KLRG1: variants seen among roughly 807,000 people sequenced by gnomAD.
KLRG1 encodes the protein killer cell lectin like receptor G1.
A neutral mutation model predicts 21.8 loss-of-function variants in KLRG1; 16 were observed. That is an observed-to-expected ratio of 0.73 (90% CI 0.50 to 1.11). KLRG1 has a LOEUF of 1.11. Among genes scored for constraint, KLRG1 ranks in the 50% most tolerant of loss-of-function variants. The pLI, the probability that KLRG1 is intolerant of heterozygous loss-of-function variation, is 0.00. For synonymous variants in KLRG1, 69 were observed against 75.9 expected (o/e 0.91, Z 0.47); for missense variants, 173 against 218.3 (o/e 0.79, Z 1.31).
upstream of KLRG1, chr12:8,988,517 G>A (rs1407397769): frequency 6.6e-6 from 1 of 152,086 alleles, no homozygotes. Flanking sequence ...TCCTTATGCA[G>A]TCTATCTTGA....
chr12:9,022,440 T>C, the KLRG1 span, among the ~76,000 whole-genome samples: 2 of 152,230 alleles, frequency 1.3e-5, no homozygotes, highest in African/African-American at 4.8e-5. Flanking sequence ...TTCATTGTTA[T>C]GTGTGCATGA....
chr12:9,205,100 A>G, the KLRG1 span, among the ~76,000 whole-genome samples: 1 of 152,196 alleles, frequency 6.6e-6, no homozygotes, highest in Non-Finnish European at 1.5e-5. Context: ...TTCAAAAAAA[A>G]ACAAAACAAA....
the KLRG1 span, among the ~76,000 whole-genome samples, chr12:9,180,821 G>A: frequency 0.6 from 88,472 of 147,592 alleles, 26,888 homozygotes; most frequent in East Asian, 0.82. Context: ...AAACTAAAGA[G>A]CTTCTGCACA....
At chr12:9,158,528 G>T in the KLRG1 span, 1 of 1,614,180 alleles carries the variant, frequency 6.2e-7, no homozygotes, top group Non-Finnish European at 8.5e-7. Flanking sequence ...CATCAATGAA[G>T]ATGTAGGATC....
the KLRG1 span, among the ~76,000 whole-genome samples, chr12:9,099,879 G>C: frequency 3.3e-5 from 5 of 152,308 alleles, no homozygotes; most frequent in South Asian, 6.2e-4. Flanking sequence ...CATGCTACAT[G>C]CTCTTTAACC....
intron 1 of KLRG1, among the ~76,000 whole-genome samples, chr12:8,966,897 G>T (rs1384782856): frequency 9.4e-5 from 14 of 149,704 alleles, no homozygotes; most frequent in Admixed American, 2.7e-4. Context: ...TATGTTTATT[G>T]CGGCATTATT....
At chr12:8,997,944 G>A (rs1410255551) in intron 3 of KLRG1, among the ~76,000 whole-genome samples, 5 of 151,894 alleles carry the variant, frequency 3.3e-5, no homozygotes, top group African/African-American at 9.7e-5. Flanking sequence ...CTGCCTCCAC[G>A]CCCGACCTTT....
chr12:9,101,804 T>C, the KLRG1 span: 12 of 748,072 alleles, frequency 1.6e-5, no homozygotes, highest in South Asian at 2.3e-4. Flanking sequence ...CAATGAAAAG[T>C]GGGAGAAGGA....
intron 1 of KLRG1, among the ~76,000 whole-genome samples, chr12:8,956,850 C>T (rs1417845213): frequency 6.6e-6 from 1 of 152,216 alleles, no homozygotes; most frequent in Non-Finnish European, 1.5e-5. Flanking sequence ...TGCAGTATAC[C>T]TGATCCAGCC....
At chr12:8,979,846 A>G (rs1319045978) in intron 1 of KLRG1, among the ~76,000 whole-genome samples, 1 of 151,424 alleles carries the variant, frequency 6.6e-6, no homozygotes, top group Non-Finnish European at 1.5e-5. Context: ...GAAGCTCTGT[A>G]TTGTATTTTT....
chr12:9,170,796 T>A, the KLRG1 span, among the ~76,000 whole-genome samples: 1 of 152,120 alleles, frequency 6.6e-6, no homozygotes, highest in African/African-American at 2.4e-5. The surrounding 1 kb of genome is among the most constrained non-coding windows in gnomAD (Gnocchi z 4.6). Context: ...GACCTTTCTG[T>A]GGGGGCTTCA....
chr12:9,088,496 A>C, the KLRG1 span, among the ~76,000 whole-genome samples: 1 of 152,152 alleles, frequency 6.6e-6, no homozygotes, highest in East Asian at 1.9e-4. Context: ...TTTAGGGTAC[A>C]TTTTATGTGT....
chr12:9,192,807 T>C, the KLRG1 span: 67 of 1,144,544 alleles, frequency 5.9e-5, no homozygotes, highest in Non-Finnish European at 7.9e-5. Flanking sequence ...CTCACCAAAA[T>C]GAATAGTTAC....
chr12:9,164,215 T>C, the KLRG1 span: 2 of 1,611,970 alleles, frequency 1.2e-6, no homozygotes, highest in Non-Finnish European at 1.7e-6. Flanking sequence ...CCTTTGTATT[T>C]TGGGAAGCTA....
At chr12:9,052,931 T>G in the KLRG1 span, 1 of 413,048 alleles carries the variant, frequency 2.4e-6, no homozygotes, top group Non-Finnish European at 4.7e-6. Context: ...TCTTTTGTGC[T>G]TCTACATTTT....
chr12:8,993,620 G>A (rs1462253497), intron 2 of KLRG1, among the ~76,000 whole-genome samples: 2 of 152,026 alleles, frequency 1.3e-5, no homozygotes, highest in Non-Finnish European at 2.9e-5. Flanking sequence ...TCAGCTCCAG[G>A]GCTTCTACCT....
the KLRG1 span, among the ~76,000 whole-genome samples, chr12:9,207,493 C>T: frequency 1.3e-5 from 2 of 152,140 alleles, no homozygotes; most frequent in African/African-American, 4.8e-5. Flanking sequence ...AGGCAGGATG[C>T]AAAGGTAGGA....
At chr12:9,009,168 G>A in intron 4 of KLRG1, 93 bp downstream of exon 4, 7 of 1,003,118 alleles carry the variant, frequency 7.0e-6, no homozygotes, top group Non-Finnish European at 8.8e-6. Flanking sequence ...AGAGCAGATG[G>A]AGAGGAGAGG....
At chr12:9,211,792 G>A in the KLRG1 span, among the ~76,000 whole-genome samples, 1 of 152,332 alleles carries the variant, frequency 6.6e-6, no homozygotes, top group Non-Finnish European at 1.5e-5. Flanking sequence ...GGATTGACAA[G>A]ATTGCTTCCA....
Sources: gnomAD v4.1 joint callset for allele counts (sites outside exome capture counted in the v4.1 genomes callset) on GRCh38, gnomAD v4.1.1 for gene constraint, Gnocchi (gnomAD v3.1) non-coding constraint, MANE v1.5 for transcripts, NCBI Gene and HGNC (gene_info 2026-07-23, HGNC 2026-07-21) for gene names.